PCNX1: variants seen among roughly 807,000 people sequenced by gnomAD.
PCNX1 encodes pecanex-like protein 1.
Under a neutral mutation model 242.2 loss-of-function variants are expected in PCNX1, and 78 were observed. The observed-to-expected ratio is 0.32, with a 90% confidence interval of 0.27 to 0.39. The LOEUF (loss-of-function observed/expected upper bound fraction) is 0.39. PCNX1 is among the 10% of genes least tolerant of loss of function. PCNX1 has a pLI of 1.00. For synonymous variants in PCNX1, 1,024 were observed against 1,032.9 expected (o/e 0.99, Z 0.17); for missense variants, 2,581 against 2,856.5 (o/e 0.90, Z 2.20).
intron 1 of PCNX1, among the ~76,000 whole-genome samples, chr14:70,936,703 C>G (rs2057019332): frequency 6.6e-6 from 1 of 152,196 alleles, no homozygotes; most frequent in East Asian, 1.9e-4. Context: ...TGAGGAATTG[C>G]CACACTGTCT....
chr14:71,050,940 G>T (rs555883416), intron 23 of PCNX1, among the ~76,000 whole-genome samples, 180 bp downstream of exon 23: 1 of 151,864 alleles, frequency 6.6e-6, no homozygotes, highest in Non-Finnish European at 1.5e-5. Context: ...AGGCCGAGGC[G>T]GGCGGATCAC....
rs10151876 is a variant in PCNX1 at position 71,109,672 on chromosome 14, A to C, written c.6885+80A>C. The stretch of plus-strand genomic sequence containing the variant: ...TCACTTGGATGCATGGTTTTAGCTG[A>C]TTTATACTTAAACGTATAATTTTCA... On this transcript the variant is annotated intron_variant, in intron 35 of 35. Coordinates refer to ENST00000304743, the MANE Select transcript of PCNX1 (RefSeq NM_014982.3). 2,659 of 1,581,936 alleles carry C rather than the reference A, an allele frequency of 1.7e-3. 29 individuals carry two copies. The African/African-American group carries it at 0.031, about 19-fold the overall frequency.
At chr14:71,099,509 C>T (rs1179106210) in intron 30 of PCNX1, among the ~76,000 whole-genome samples, 3 of 151,272 alleles carry the variant, frequency 2.0e-5, no homozygotes, top group Non-Finnish European at 4.4e-5. Flanking sequence ...GGCATGTGGT[C>T]GATCATAGGG....
rs531571076 is a variant in PCNX1, at chr14:70,941,412, C to G, written c.154-5503C>G. On this transcript the variant is annotated intron_variant, in intron 1 of 35. Transcript: ENST00000304743. ...GGAGGTCCACTCCAGACCCTGTTTG[C>G]CTGGATATCACCAGTGGAGGCTGCA... Among the ~76,000 whole-genome samples the G allele has an allele frequency of 1.0e-3, 156 of 152,302 alleles. 2 individuals are homozygous for G. Among genetic ancestry groups the G allele is most frequent in the Admixed American group, 0.01 (156 of 15,282 alleles).
chr14:70,947,162 A>T (rs1174138624), intron 2 of PCNX1, 39 bp downstream of exon 2: 1 of 1,371,622 alleles, frequency 7.3e-7, no homozygotes, highest in East Asian at 2.4e-5. Context: ...GTAATGATTT[A>T]GATTGTGTTA....
rs780670246 is a variant in PCNX1, at chr14:71,076,417, A to G, written c.5335A>G (p.Lys1779Glu). ...AGAGTACTGCTCTTCCCGAAGAGCA[A>G]AGGTAGAGTTTATTTCATTTATAAC... ...WIEYCSSRRA[K>E]PVDVDKDSSL... Residue 1779 changes from lysine to glutamate, a missense_variant and splice_region_variant, in exon 28 of 36, where the codon AAG becomes GAG. By Grantham distance (56) the Lys-to-Glu change is moderately conservative. This residue lies in a region of PCNX1 where 298 missense variants were observed against 480.1 expected (regional missense o/e 0.62). Transcript: ENST00000304743. 3.8e-6 allele frequency: 6 copies of G among 1,564,252 alleles called. No homozygotes were observed. The highest frequency in any genetic ancestry group is 1.4e-5 in the African/African-American group (1 of 73,962).
In PCNX1 at chr14:71,111,738, T is replaced by C. The variant is rs928058748; in HGVS notation, c.*1803T>C. 2.0e-5 allele frequency: 3 copies of C among 152,178 alleles called. No individual in the cohort carries two copies. Among genetic ancestry groups the C allele is most frequent in the African/African-American group, 7.2e-5 (3 of 41,466 alleles). The allele number at this position is 152,178 out of a possible 1,614,324, so 9.4% of individuals were successfully genotyped here. A position where few individuals can be genotyped will look rare whatever the true frequency, so the allele number is the denominator to read the frequency against. ...TTTCCCTTTTTCTAATTTTAAACTT[T>C]TGTGGTCATTCAGAACCTAATGTGC... On this transcript the variant is annotated 3_prime_UTR_variant, in exon 36 of 36. Transcript: ENST00000304743.
At chr14:70,959,336 G>A (rs185001979) in intron 2 of PCNX1, among the ~76,000 whole-genome samples, 3 of 147,894 alleles carry the variant, frequency 2.0e-5, no homozygotes, top group East Asian at 2.0e-4. Context: ...CCATTAACTC[G>A]TCATTTAGCA....
intron 19 of PCNX1, among the ~76,000 whole-genome samples, chr14:71,039,589 T>A (rs1370658527): frequency 6.6e-6 from 1 of 152,194 alleles, no homozygotes; most frequent in Non-Finnish European, 1.5e-5. Flanking sequence ...GCACATAGAC[T>A]AACCCTGGTA....
Position 71,013,137 on chromosome 14 carries a change from G to C in PCNX1, c.2931G>C (p.Trp977Cys). Residue 977 changes from tryptophan (W) to cysteine (C), a missense_variant, in exon 11 of 36, where the codon TGG becomes TGC. Transcript: ENST00000304743. ...AGGTTAAACACTATTATCGCTTTTG[G>C]ATCCTACCCCAGCTGTGGATTGGCA... ...AQKVKHYYRF[W>C]ILPQLWIGIN... 1 of 1,614,108 alleles carries C rather than the reference G, an allele frequency of 6.2e-7. No individual in the cohort carries two copies. Among genetic ancestry groups the C allele is most frequent in the Non-Finnish European group, 8.5e-7 (1 of 1,180,014 alleles).
chr14:70,993,347 C>G (rs546358552), intron 7 of PCNX1, among the ~76,000 whole-genome samples: 1 of 151,652 alleles, frequency 6.6e-6, no homozygotes, highest in South Asian at 2.1e-4. Context: ...CCAGGATGGT[C>G]TCGATCTCCT....
intron 30 of PCNX1, among the ~76,000 whole-genome samples, chr14:71,097,659 A>G (rs924529046): frequency 1.3e-5 from 2 of 151,978 alleles, no homozygotes; most frequent in African/African-American, 2.4e-5. Flanking sequence ...TATTGAATTA[A>G]GTTATAGATT....
intron 5 of PCNX1, among the ~76,000 whole-genome samples, chr14:70,972,873 C>T (rs1318645455): frequency 6.6e-6 from 1 of 152,160 alleles, no homozygotes; most frequent in Non-Finnish European, 1.5e-5. Flanking sequence ...GGTAGAGGAA[C>T]TAGTTACAGG....
chr14:71,089,024 G>A (rs567241430), intron 29 of PCNX1, among the ~76,000 whole-genome samples, 168 bp from the exon 30 acceptor site: 14 of 152,088 alleles, frequency 9.2e-5, no homozygotes, highest in South Asian at 6.2e-4. Flanking sequence ...GTCCCAGGTC[G>A]GACAGGCCCT....
chr14:70,944,352 A>T (rs1200442202), intron 1 of PCNX1, among the ~76,000 whole-genome samples: 2 of 152,182 alleles, frequency 1.3e-5, no homozygotes, highest in Non-Finnish European at 2.9e-5. Context: ...GTCAAAGGAG[A>T]TCATTTCAGA....
rs2061050240 is a variant in PCNX1 at position 71,051,984 on chromosome 14, C to A, written c.4549C>A (p.Pro1517Thr). 6.2e-7 allele frequency: 1 copy of A among 1,613,112 alleles called. No homozygotes were observed. The highest frequency in any genetic ancestry group is 1.1e-5 in the South Asian group (1 of 91,022). The change falls in exon 24 of 36, where the codon CCT becomes ACT. Residue 1517 changes from proline to threonine, a missense_variant. Transcript: ENST00000304743. Reference protein sequence around the residue: ...SAIFITSYVRPVKFWERDYNT... With the variant: ...SAIFITSYVRTVKFWERDYNT... Reference sequence around the variant, plus strand: ...AATATTCATCACTTCATATGTCCGACCTGTGAAATTCTGGGAGAGAGACTA... The same window carrying A: ...AATATTCATCACTTCATATGTCCGAACTGTGAAATTCTGGGAGAGAGACTA...
chr14:71,087,502 C>A (rs2062023188), intron 28 of PCNX1, among the ~76,000 whole-genome samples: 1 of 152,104 alleles, frequency 6.6e-6, no homozygotes, highest in Non-Finnish European at 1.5e-5. Context: ...TAATTATTAG[C>A]CTGTATCATT....
Position 71,013,017 on chromosome 14 carries a change from A to G in PCNX1, c.2811A>G (p.Leu937=), listed in dbSNP as rs149053439. The change falls in exon 11 of 36, where the codon CTA becomes CTG. Residue 937 remains leucine, a synonymous_variant. Transcript: ENST00000304743. ...LSLPQIRLNR[L]LTIDTDLLEQ... ...TCCCACAGATTCGATTGAATAGACT[A>G]TTGACCATTGATACAGATTTGTTGG... The G allele has an allele frequency of 9.9e-6, 16 of 1,613,946 alleles. No individual in the cohort carries two copies. In the African/African-American group the frequency reaches 1.7e-4, roughly 18 times the overall value.
Position 71,111,290 on chromosome 14 carries a change from A to G in PCNX1, c.*1355A>G. The G allele has an allele frequency of 6.6e-6, 1 of 152,606 alleles. No homozygotes were observed. The highest frequency in any genetic ancestry group is 1.9e-4 in the East Asian group (1 of 5,204). 9.5% of individuals were successfully genotyped at this position (152,606 alleles called of 1,614,324 possible). Reference sequence around the variant, plus strand: ...ATTTGCAACTCTTAGCATTTTTTAAATCCTTGATAAAATTTTCCCTTTTGG... The same window carrying G: ...ATTTGCAACTCTTAGCATTTTTTAAGTCCTTGATAAAATTTTCCCTTTTGG... On this transcript the variant is annotated 3_prime_UTR_variant, in exon 36 of 36. Coordinates refer to ENST00000304743, the MANE Select transcript of PCNX1 (RefSeq NM_014982.3).
Sources: gnomAD v4.1 joint callset for allele counts (sites outside exome capture counted in the v4.1 genomes callset) on GRCh38, gnomAD v4.1.1 for gene constraint, gnomAD v4.1.1 regional missense constraint, MANE v1.5 for transcripts, NCBI Gene and HGNC (gene_info 2026-07-23, HGNC 2026-07-21) for gene names.